The following EYS variants were observed in gnomAD, a reference collection of about 807,000 sequenced individuals.
The protein encoded by EYS is protein eyes shut homolog.
A neutral mutation model predicts 282.1 loss-of-function variants in EYS; 250 were observed. The ratio of observed to expected loss-of-function variants is 0.89; its 90% CI spans 0.80 to 0.98. EYS has a LOEUF of 0.98. EYS is among the 50% of genes least tolerant of loss of function. The pLI is 0.00. For missense variants in EYS, 4,016 were observed against 3,709.0 expected (o/e 1.08, Z -2.15); for synonymous variants, 1,355 against 1,282.9 (o/e 1.06, Z -1.20).
At chr6:65,205,590 G>C in intron 12 of EYS, among the ~76,000 whole-genome samples, 1 of 151,030 alleles carries the variant, frequency 6.6e-6, no homozygotes, top group Non-Finnish European at 1.5e-5. Context: ...TGAACAACCA[G>C]AGGGAATACA....
Position 65,134,393 on chromosome 6 carries a change from T to C in EYS, c.2024-76666A>G, listed in dbSNP as rs116831492. ...GGATAAAGAAAATGTGGTAAATATA[T>C]ACCATAAAATACCAGATAGCCTTAA... On this transcript the variant is annotated intron_variant, in intron 12 of 42. Transcript: ENST00000503581. Among the ~76,000 whole-genome samples, 975 of 152,066 alleles carry C rather than the reference T, an allele frequency of 6.4e-3. 12 individuals carry two copies. The highest frequency in any genetic ancestry group is 0.022 in the African/African-American group (918 of 41,502).
intron 31 of EYS, among the ~76,000 whole-genome samples, chr6:64,222,222 A>G (rs1252174066): frequency 6.6e-6 from 1 of 152,082 alleles, no homozygotes; most frequent in Non-Finnish European, 1.5e-5. Flanking sequence ...TTCTACTCAG[A>G]TAGTTTTCAA....
intron 19 of EYS, among the ~76,000 whole-genome samples, chr6:64,845,206 A>G (rs972578806): frequency 3.3e-5 from 5 of 152,056 alleles, no homozygotes; most frequent in African/African-American, 7.2e-5. Flanking sequence ...TGTGAGGATC[A>G]TTTGAGCCTG....
chr6:64,848,849 AC>A (rs1765795133), intron 19 of EYS, among the ~76,000 whole-genome samples: 1 of 152,106 alleles, frequency 6.6e-6, no homozygotes, highest in Non-Finnish European at 1.5e-5. Flanking sequence ...AACTCAACAG[AC>A]TGTGCCTAGG....
intron 5 of EYS, among the ~76,000 whole-genome samples, chr6:65,467,970 A>G (rs73741591): frequency 0.015 from 2,357 of 152,250 alleles, 58 homozygotes; most frequent in African/African-American, 0.054. Context: ...TACTTTTGAA[A>G]ATAAAGAATG....
intron 35 of EYS, among the ~76,000 whole-genome samples, chr6:63,897,447 A>G (rs927782176): frequency 2.6e-5 from 4 of 152,168 alleles, no homozygotes; most frequent in African/African-American, 9.7e-5. Context: ...ACTGAAGAAG[A>G]GATAGCAATG....
At chr6:64,250,400 G>A (rs940691512) in intron 30 of EYS, among the ~76,000 whole-genome samples, 3 of 152,194 alleles carry the variant, frequency 2.0e-5, no homozygotes, top group Admixed American at 6.6e-5. Context: ...CCGTGGCCAG[G>A]GGAAAATAAT....
At chr6:63,905,582 T>G (rs778792357) in intron 35 of EYS, among the ~76,000 whole-genome samples, 3 of 152,022 alleles carry the variant, frequency 2.0e-5, no homozygotes, top group Non-Finnish European at 2.9e-5. Flanking sequence ...CACCCGCCTC[T>G]GCCTCCCAAA....
At chr6:65,390,535 G>T (rs1562145179) in intron 7 of EYS, among the ~76,000 whole-genome samples, 1 of 151,592 alleles carries the variant, frequency 6.6e-6, no homozygotes, top group Non-Finnish European at 1.5e-5. Flanking sequence ...AACTCAGAAG[G>T]CTACAAGAAA....
chr6:64,993,416 C>T (rs562667795), intron 14 of EYS, among the ~76,000 whole-genome samples: 7 of 151,756 alleles, frequency 4.6e-5, no homozygotes, highest in South Asian at 2.1e-4. Flanking sequence ...GATGAGTTCA[C>T]GTCCTTTGTA....
chr6:63,853,814 C>T (rs1056861010), intron 36 of EYS, among the ~76,000 whole-genome samples: 1 of 152,128 alleles, frequency 6.6e-6, no homozygotes, highest in Non-Finnish European at 1.5e-5. Context: ...GAACAGAGGC[C>T]TCAGATATTA....
At chr6:64,749,951 T>C (rs901370139) in intron 22 of EYS, among the ~76,000 whole-genome samples, 3 of 152,078 alleles carry the variant, frequency 2.0e-5, no homozygotes, top group Admixed American at 2.0e-4. Context: ...ACTTATATCT[T>C]TTAATATTAT....
intron 26 of EYS, among the ~76,000 whole-genome samples, chr6:64,501,757 T>C (rs769018008): frequency 8.5e-5 from 13 of 152,166 alleles, no homozygotes; most frequent in Non-Finnish European, 1.9e-4. Flanking sequence ...GCCTGGGTTT[T>C]CCAGGAGTGT....
At chr6:64,564,799 G>A (rs1244183892) in intron 26 of EYS, among the ~76,000 whole-genome samples, 1 of 148,770 alleles carries the variant, frequency 6.7e-6, no homozygotes, top group Non-Finnish European at 1.5e-5. Flanking sequence ...TGGGGTGGGG[G>A]TCGGGGGCTA....
intron 11 of EYS, chr6:65,303,452 G>A: frequency 6.2e-7 from 1 of 1,612,116 alleles, no homozygotes; most frequent in South Asian, 1.1e-5. Context: ...AGGGAAGAAA[G>A]TTGAAGCTCC....
intron 12 of EYS, among the ~76,000 whole-genome samples, chr6:65,096,754 T>C (rs1467770952): frequency 6.6e-6 from 1 of 151,024 alleles, no homozygotes; most frequent in African/African-American, 2.4e-5. Flanking sequence ...AGGAGTGAAA[T>C]GTTTTCTTCA....
intron 22 of EYS, among the ~76,000 whole-genome samples, chr6:64,785,703 A>C (rs1486477374): frequency 6.6e-6 from 1 of 152,186 alleles, no homozygotes; most frequent in East Asian, 1.9e-4. Context: ...AGCCAAAACC[A>C]AGCTTATTTA....
At chr6:65,067,321 T>G (rs1298065112) in intron 12 of EYS, among the ~76,000 whole-genome samples, 4 of 152,076 alleles carry the variant, frequency 2.6e-5, no homozygotes, top group Non-Finnish European at 4.4e-5. Flanking sequence ...TGATTATTCT[T>G]CCTTAGTCCC....
intron 22 of EYS, among the ~76,000 whole-genome samples, chr6:64,687,885 G>T (rs1770216088): frequency 6.6e-6 from 1 of 152,082 alleles, no homozygotes; most frequent in Non-Finnish European, 1.5e-5. Context: ...CTTAATTATT[G>T]CCTCAATTTC....
Sources: gnomAD v4.1 joint callset for allele counts (sites outside exome capture counted in the v4.1 genomes callset) on GRCh38, gnomAD v4.1.1 for gene constraint, MANE v1.5 for transcripts, NCBI Gene and HGNC (gene_info 2026-07-23, HGNC 2026-07-21) for gene names.